Variants in ALG8 observed in about 807,000 individuals in gnomAD.
ALG8 encodes the protein dolichyl pyrophosphate Glc1Man9GlcNAc2 alpha-1,3-glucosyltransferase.
A neutral mutation model predicts 70.2 loss-of-function variants in ALG8; 48 were observed. That is an observed-to-expected ratio of 0.68 (90% CI 0.54 to 0.87). The LOEUF (loss-of-function observed/expected upper bound fraction) is 0.87. Ranked by LOEUF, ALG8 falls within the 40% of genes least tolerant of loss-of-function variation. ALG8 has a pLI of 0.00. For synonymous variants in ALG8, 234 were observed against 229.0 expected, an observed-to-expected ratio of 1.02 and a Z score of -0.20; for missense variants, 572 against 608.7, an observed-to-expected ratio of 0.94 and a Z score of 0.64.
chr11:78,110,039 G>A (rs1481513466), intron 8 of ALG8, among the ~76,000 whole-genome samples: 1 of 152,146 alleles, frequency 6.6e-6, no homozygotes, highest in Non-Finnish European at 1.5e-5. Context: ...TGGCCACAAT[G>A]AAGTAACTGT....
At chr11:78,134,343 G>A (rs1861450719) in intron 1 of ALG8, among the ~76,000 whole-genome samples, 1 of 152,082 alleles carries the variant, frequency 6.6e-6, no homozygotes, top group African/African-American at 2.4e-5. Flanking sequence ...TCCCCATGTT[G>A]GCCAGGCGGG....
rs187058815 is a variant in ALG8, at chr11:78,116,502, G to A, written c.547-2110C>T. Among the ~76,000 whole-genome samples, 7 of 152,190 alleles carry A rather than the reference G, an allele frequency of 4.6e-5. No individual in the cohort carries two copies. The East Asian group carries it at 1.4e-3, about 29-fold the overall frequency. On this transcript the variant is annotated intron_variant, in intron 5 of 12. Transcript: ENST00000299626. ...TGAGAGGCTGAAGTGGGTGGATCAC[G>A]AAGTCAGGAGATCCAGACCATCTTG...
chr11:78,102,803 C>T (rs684603), intron 12 of ALG8: 130,601 of 151,894 alleles, frequency 0.86, 56,525 homozygotes, highest in African/African-American at 0.94. Context: ...AATACAAAAT[C>T]AGCTGGGTGT....
At chr11:78,110,874 ACT>A (rs1283717694) in intron 8 of ALG8, among the ~76,000 whole-genome samples, 14 of 152,230 alleles carry the variant, frequency 9.2e-5, no homozygotes, top group African/African-American at 3.4e-4. Context: ...AAGTTGTCTA[ACT>A]CTGACACTGA....
intron 1 of ALG8, among the ~76,000 whole-genome samples, chr11:78,131,705 A>G (rs908120271): frequency 2.6e-5 from 4 of 152,084 alleles, no homozygotes; most frequent in Admixed American, 6.5e-5. Flanking sequence ...AGCTCAAGCA[A>G]TCTGCCTGCC....
chr11:78,127,525 A>C, intron 1 of ALG8, 89 bp from the exon 2 acceptor site: 1 of 1,146,110 alleles, frequency 8.7e-7, no homozygotes, highest in Non-Finnish European at 1.3e-6. Context: ...ATGGACTGAC[A>C]TTCCCTAAGC....
At chr11:78,114,434 T>A in intron 5 of ALG8, 42 bp from the exon 6 acceptor site, 1 of 1,607,892 alleles carries the variant, frequency 6.2e-7, no homozygotes, top group Non-Finnish European at 8.5e-7. Flanking sequence ...AAATTCAGGG[T>A]AAATGAAATG....
intron 2 of ALG8, among the ~76,000 whole-genome samples, chr11:78,125,692 G>C (rs561869916): frequency 4.1e-4 from 62 of 151,920 alleles, no homozygotes; most frequent in African/African-American, 1.5e-3. Context: ...CAGGAGAATC[G>C]CTTACTCAGG....
intron 7 of ALG8, among the ~76,000 whole-genome samples, chr11:78,113,330 CTG>C (rs1860389060): frequency 6.6e-6 from 1 of 152,022 alleles, no homozygotes; most frequent in African/African-American, 2.4e-5. Context: ...AAGATCAATT[CTG>C]TGTTTGTGTA....
intron 1 of ALG8, among the ~76,000 whole-genome samples, chr11:78,137,042 C>A (rs1861586762): frequency 6.6e-6 from 1 of 152,178 alleles, no homozygotes; most frequent in Non-Finnish European, 1.5e-5. Context: ...CCTGGGATCA[C>A]AGGCATGCTC....
intron 12 of ALG8, chr11:78,103,533 CAGG>C (rs1289350967): frequency 6.5e-6 from 1 of 153,980 alleles, no homozygotes; most frequent in Non-Finnish European, 1.4e-5. Flanking sequence ...GAGGCTGAGG[CAGG>C]AGAATAGCTT....
At chr11:78,124,458 G>A (rs752638289) in intron 2 of ALG8, among the ~76,000 whole-genome samples, 2 of 152,074 alleles carry the variant, frequency 1.3e-5, no homozygotes, top group Admixed American at 6.6e-5. Flanking sequence ...AAAAACAAAC[G>A]AACAAAAATC....
rs952229907 is a variant in ALG8 at position 78,112,430 on chromosome 11, C to T, written c.898+220G>A. ...TTTTTCCCCAGGAAAGGATCAATAA[C>T]CTCATTACCACAAGGAGCTTTTATA... On this transcript the variant is annotated intron_variant, in intron 8 of 12. Coordinates refer to ENST00000299626, the MANE Select transcript of ALG8 (RefSeq NM_024079.5). 5.6e-6 allele frequency: 3 copies of T among 531,560 alleles called. No homozygotes were observed. The Admixed American group carries it at 9.4e-5, about 17-fold the overall frequency. 32.9% of individuals were successfully genotyped at this position (531,560 alleles called of 1,614,324 possible).
At chr11:78,113,590 G>T (rs2136901558) in intron 7 of ALG8, among the ~76,000 whole-genome samples, 1 of 151,978 alleles carries the variant, frequency 6.6e-6, no homozygotes, top group African/African-American at 2.4e-5. Flanking sequence ...GCATGTGCCT[G>T]TAATCCCACC....
intron 3 of ALG8, among the ~76,000 whole-genome samples, chr11:78,122,113 C>G (rs866542741): frequency 1.3e-5 from 2 of 151,840 alleles, no homozygotes; most frequent in Admixed American, 6.6e-5. Context: ...TATAAAAAGA[C>G]GATATTGAAA....
Position 78,139,580 on chromosome 11 carries a change from C to A in ALG8, c.9G>T (p.Ala3=). The change falls in exon 1 of 13, where the codon GCG becomes GCT. Residue 3 remains alanine (A), a synonymous_variant. Transcript: ENST00000299626. The part of the protein sequence containing the change: MA[A]LTIATGTGNW... ...TGCCAGTACCCGTGGCAATTGTGAG[C>A]GCCGCCATTGCTGCGGCACCGCACG... 1 of 1,555,866 alleles carries A rather than the reference C, an allele frequency of 6.4e-7. No individual in the cohort carries two copies. Among genetic ancestry groups the A allele is most frequent in the Non-Finnish European group, 8.7e-7 (1 of 1,149,276 alleles).
chr11:78,125,857 C>T (rs1334072955), intron 2 of ALG8, among the ~76,000 whole-genome samples: 1 of 151,300 alleles, frequency 6.6e-6, no homozygotes, highest in Non-Finnish European at 1.5e-5. Flanking sequence ...CAGAGTACTG[C>T]TTTTCATCAA....
Position 78,126,090 on chromosome 11 carries a change from C to T in ALG8, c.174+1268G>A, listed in dbSNP as rs759853503. ...AGGAGAATGGCGTGAACCTGGGAGG[C>T]GGAGCTTGCAGTGAGCAGAGATCGC... is the stretch of plus-strand genomic sequence containing the variant. On this transcript the variant is annotated intron_variant, in intron 2 of 12. Coordinates refer to ENST00000299626, the MANE Select transcript of ALG8 (RefSeq NM_024079.5). Among the ~76,000 whole-genome samples, 102 of 151,558 alleles carry T rather than the reference C, an allele frequency of 6.7e-4. 1 individual carries two copies. The highest frequency in any genetic ancestry group is 3.2e-3 in the Admixed American group (49 of 15,198).
Position 78,109,473 on chromosome 11 carries a change from G to T in ALG8, c.1007C>A (p.Ala336Glu). ...GGCAATCAGTGTGCAGATGAGGGTT[G>T]CCAAGGGAGTCACTGAGGGAAGGAC... ...HTVLPSVTPL[A>E]TLICTLIAIL... The change falls in exon 9 of 13, where the codon GCA becomes GAA. Residue 336 changes from alanine to glutamate, a missense_variant. Coordinates refer to ENST00000299626, the MANE Select transcript of ALG8 (RefSeq NM_024079.5). 6.2e-7 allele frequency: 1 copy of T among 1,614,166 alleles called. No individual in the cohort carries two copies. Among genetic ancestry groups the T allele is most frequent in the South Asian group, 1.1e-5 (1 of 91,088 alleles).
Sources: allele counts gnomAD v4.1 joint callset (sites outside exome capture counted in the v4.1 genomes callset), GRCh38; gene constraint gnomAD v4.1.1; transcripts MANE v1.5; gene names NCBI Gene and HGNC (gene_info 2026-07-23, HGNC 2026-07-21).